The following STXBP6 variants were observed in gnomAD, a reference collection of about 807,000 sequenced individuals.
STXBP6 encodes syntaxin-binding protein 6.
In STXBP6, 21 loss-of-function variants were observed where a neutral mutation model predicts 26.9. The ratio of observed to expected loss-of-function variants is 0.78; its 90% CI spans 0.55 to 1.12. The LOEUF is 1.12. Among genes scored for constraint, STXBP6 ranks in the 50% most tolerant of loss-of-function variants. The pLI is 0.00. For synonymous variants in STXBP6, 97 were observed against 92.6 expected, an observed-to-expected ratio of 1.05 and a Z score of -0.27; for missense variants, 232 against 257.9, an observed-to-expected ratio of 0.90 and a Z score of 0.69.
chr14:24,894,997 C>T (rs540705601), intron 2 of STXBP6, among the ~76,000 whole-genome samples: 16 of 151,842 alleles, frequency 1.1e-4, no homozygotes, highest in Admixed American at 2.6e-4. Flanking sequence ...TTTTCTTTCT[C>T]GTGTGTTAGT....
At chr14:25,027,967 G>A (rs576444394) in intron 1 of STXBP6, among the ~76,000 whole-genome samples, 11 of 152,286 alleles carry the variant, frequency 7.2e-5, no homozygotes, top group South Asian at 2.1e-4. Flanking sequence ...TCAATTCTAC[G>A]AAGGCTGAAA....
At chr14:24,990,847 T>A (rs1179395061) in intron 1 of STXBP6, among the ~76,000 whole-genome samples, 8 of 148,882 alleles carry the variant, frequency 5.4e-5, no homozygotes, top group Non-Finnish European at 1.0e-4. Context: ...GTGATGCAGA[T>A]ATGCAGAGAG....
At chr14:24,993,854 C>A (rs1331995605) in intron 1 of STXBP6, among the ~76,000 whole-genome samples, 1 of 152,152 alleles carries the variant, frequency 6.6e-6, no homozygotes. Context: ...GAAGGCAATC[C>A]TCCCCCAGAG....
chr14:24,933,836 G>A (rs57429232), intron 2 of STXBP6, among the ~76,000 whole-genome samples: 6,671 of 152,010 alleles, frequency 0.044, 455 homozygotes, highest in African/African-American at 0.15. Flanking sequence ...TATTAAAAAA[G>A]AAACCTAAAA....
chr14:24,819,529 A>T (rs1271036581), intron 4 of STXBP6: 5 of 513,982 alleles, frequency 9.7e-6, no homozygotes, highest in African/African-American at 1.9e-5. Flanking sequence ...GCTTGCAAAG[A>T]TAAATGAAAA....
intron 2 of STXBP6, among the ~76,000 whole-genome samples, chr14:24,875,312 G>A (rs975240300): frequency 2.6e-5 from 4 of 152,110 alleles, no homozygotes; most frequent in Non-Finnish European, 5.9e-5. Context: ...TCTCAAGCCT[G>A]GAGATCTCAC....
At chr14:24,885,207 C>T (rs1345658598) in intron 2 of STXBP6, among the ~76,000 whole-genome samples, 1 of 152,142 alleles carries the variant, frequency 6.6e-6, no homozygotes, top group African/African-American at 2.4e-5. Flanking sequence ...AATTCAAAAA[C>T]GTTGCTTTAA....
intron 1 of STXBP6, among the ~76,000 whole-genome samples, chr14:25,045,610 T>C (rs10145985): frequency 0.029 from 4,364 of 150,508 alleles, 200 homozygotes; most frequent in African/African-American, 0.099. Flanking sequence ...CTTTTCTTTT[T>C]TTTTTTTTTT....
chr14:24,924,672 T>C (rs2072099522), intron 2 of STXBP6, among the ~76,000 whole-genome samples: 2 of 152,168 alleles, frequency 1.3e-5, no homozygotes, highest in Admixed American at 6.5e-5. Context: ...AGCATGTATG[T>C]ACCTCCTGTT....
At chr14:24,851,056 C>T (rs974979553) in intron 4 of STXBP6, among the ~76,000 whole-genome samples, 12 of 151,990 alleles carry the variant, frequency 7.9e-5, no homozygotes, top group Non-Finnish European at 1.5e-4. Flanking sequence ...GAATACTAGG[C>T]CAACAGTAAT....
intron 2 of STXBP6, among the ~76,000 whole-genome samples, chr14:24,894,264 T>C (rs2139565535): frequency 6.6e-6 from 1 of 152,292 alleles, no homozygotes; most frequent in African/African-American, 2.4e-5. Flanking sequence ...CAGTGTAAAA[T>C]GATGAGGACT....
intron 2 of STXBP6, among the ~76,000 whole-genome samples, chr14:24,925,877 C>G (rs775208629): frequency 1.3e-5 from 2 of 152,048 alleles, no homozygotes; most frequent in Non-Finnish European, 2.9e-5. Flanking sequence ...CTGATGTGCT[C>G]GGAAGTTACA....
At chr14:24,860,481 C>T (rs2069495887) in intron 2 of STXBP6, among the ~76,000 whole-genome samples, 1 of 152,120 alleles carries the variant, frequency 6.6e-6, no homozygotes, top group African/African-American at 2.4e-5. Context: ...TGAAAGACCA[C>T]TTTTTCCAAA....
chr14:24,997,224 C>G (rs1161737847), intron 1 of STXBP6, among the ~76,000 whole-genome samples: 1 of 152,162 alleles, frequency 6.6e-6, no homozygotes, highest in African/African-American at 2.4e-5. Context: ...ACAACACTCA[C>G]ATACGCAGGT....
intron 1 of STXBP6, among the ~76,000 whole-genome samples, chr14:25,028,541 C>T (rs1201342554): frequency 2.0e-5 from 3 of 151,602 alleles, no homozygotes; most frequent in Admixed American, 6.6e-5. Context: ...TATTACTGCT[C>T]ATTGACAATG....
At chr14:25,022,714 A>G (rs1013830916) in intron 1 of STXBP6, among the ~76,000 whole-genome samples, 1 of 152,176 alleles carries the variant, frequency 6.6e-6, no homozygotes, top group Admixed American at 6.5e-5. Flanking sequence ...TCTAGTTCCA[A>G]TCCTCCTTTC....
chr14:24,912,954 T>C (rs1566470305), intron 2 of STXBP6, among the ~76,000 whole-genome samples: 1 of 152,234 alleles, frequency 6.6e-6, no homozygotes, highest in Non-Finnish European at 1.5e-5. Flanking sequence ...AAGCCAGCAC[T>C]AGGTTAACTG....
chr14:25,036,387 T>C (rs1358821970), intron 1 of STXBP6, among the ~76,000 whole-genome samples: 4 of 152,104 alleles, frequency 2.6e-5, no homozygotes, highest in Admixed American at 2.6e-4. Context: ...ATGTCTTTCT[T>C]CCGGACCCTT....
At chr14:24,878,760 G>C (rs1345412634) in intron 2 of STXBP6, 6 of 450,758 alleles carry the variant, frequency 1.3e-5, no homozygotes, top group Middle Eastern at 3.3e-4. Flanking sequence ...CTCATTAGCT[G>C]GTCTTCTCTC....
Sources: allele counts gnomAD v4.1 joint callset (sites outside exome capture counted in the v4.1 genomes callset), GRCh38; gene constraint gnomAD v4.1.1; transcripts MANE v1.5; gene names NCBI Gene and HGNC (gene_info 2026-07-23, HGNC 2026-07-21).